PCDHGB2: variants seen among roughly 807,000 people sequenced by gnomAD.
The protein encoded by PCDHGB2 is protocadherin gamma subfamily B, 2, also known as protocadherin gamma-B2.
A neutral mutation model predicts 59.3 loss-of-function variants in PCDHGB2; 55 were observed. The observed-to-expected ratio is 0.93, with a 90% CI of 0.75 to 1.16. The LOEUF (loss-of-function observed/expected upper bound fraction) is 1.16. Among genes scored for constraint, PCDHGB2 ranks in the 50% most tolerant of loss-of-function variants. PCDHGB2 has a pLI of 0.00. For synonymous variants in PCDHGB2, 516 were observed against 512.0 expected, an observed-to-expected ratio of 1.01 and a Z score of -0.11; for missense variants, 1,228 against 1,198.5, an observed-to-expected ratio of 1.02 and a Z score of -0.36.
chr5:141,492,558 G>A (rs879634396), intron 1 of PCDHGB2, among the ~76,000 whole-genome samples: 1 of 152,236 alleles, frequency 6.6e-6, no homozygotes, highest in South Asian at 2.1e-4. Context: ...CGCCTGGGGG[G>A]CGGCCTGAGC....
At position 141,362,071 on chromosome 5, in the gene PCDHGB2, G is replaced by A. The variant is rs1322302295; in HGVS notation, c.1936G>A (p.Val646Met). 1 of 1,612,812 alleles carries A rather than the reference G, an allele frequency of 6.2e-7. No individual in the cohort carries two copies. Among genetic ancestry groups the A allele is most frequent in the African/African-American group, 1.3e-5 (1 of 75,026 alleles). ...GGCCCGCCAGCGCCTGCTGGTCGCT[G>A]TGCGTGATGGAGGACAGCCGCCACT... ...DAARQRLLVA[V>M]RDGGQPPLSA... Residue 646 changes from valine (V) to methionine (M), a missense_variant, in exon 1 of 4, where the codon GTG becomes ATG. Val to Met is a conservative substitution (Grantham distance 21, BLOSUM62 1). Transcript: ENST00000522605.
At chr5:141,484,750 GTA>G (rs545232987) in intron 1 of PCDHGB2, among the ~76,000 whole-genome samples, 18 of 149,824 alleles carry the variant, frequency 1.2e-4, no homozygotes, top group Admixed American at 4.7e-4. Flanking sequence ...GAAAAAAAAT[GTA>G]TATATATATA....
Position 141,491,401 on chromosome 5 carries a change from G to T in PCDHGB2, c.2422-3406G>T, listed in dbSNP as rs1442005704. ...GTCAGCGAAGTGCCTTCAGGGAAAC[G>T]CAGACGGGGACGGGGGTGGAGGGCA... On this transcript the variant is annotated intron_variant, in intron 1 of 3. Coordinates refer to ENST00000522605, the MANE Select transcript of PCDHGB2 (RefSeq NM_018923.3). The surrounding 1 kb of genome is among the most constrained non-coding windows in gnomAD (Gnocchi z 6.9). 1.2e-6 allele frequency: 2 copies of T among 1,614,102 alleles called. No homozygotes were observed. Among genetic ancestry groups the T allele is most frequent in the Non-Finnish European group, 1.7e-6 (2 of 1,179,990 alleles).
intron 1 of PCDHGB2, chr5:141,410,478 C>T (rs767257836): frequency 1.9e-6 from 3 of 1,613,992 alleles, no homozygotes; most frequent in Non-Finnish European, 2.5e-6. Flanking sequence ...ATTGCACATA[C>T]GGGTACAAAA....
intron 1 of PCDHGB2, chr5:141,395,295 T>G: frequency 1.3e-6 from 2 of 1,525,988 alleles, no homozygotes; most frequent in Middle Eastern, 1.8e-4. Flanking sequence ...TGGCATAAAT[T>G]ATGTTTTGAA....
intron 1 of PCDHGB2, among the ~76,000 whole-genome samples, chr5:141,457,384 G>A (rs2154565902): frequency 6.6e-6 from 1 of 152,270 alleles, no homozygotes; most frequent in African/African-American, 2.4e-5. Context: ...CCCAGAACTA[G>A]CATATTGATT....
chr5:141,386,911 G>A (rs1312159511), intron 1 of PCDHGB2, among the ~76,000 whole-genome samples: 2 of 152,190 alleles, frequency 1.3e-5, no homozygotes, highest in South Asian at 2.1e-4. Flanking sequence ...AGGTCACCAA[G>A]GAATGTAAAA....
intron 1 of PCDHGB2, among the ~76,000 whole-genome samples, chr5:141,472,908 C>T (rs1369506606): frequency 1.3e-5 from 2 of 149,744 alleles, no homozygotes; most frequent in African/African-American, 2.5e-5. Context: ...ATTGCTTGAA[C>T]CCAAGAGGAG....
intron 1 of PCDHGB2, among the ~76,000 whole-genome samples, chr5:141,450,112 T>G (rs2098669735): frequency 6.6e-6 from 1 of 150,618 alleles, no homozygotes; most frequent in Non-Finnish European, 1.5e-5. Context: ...GTTCAAATGA[T>G]TCTCCTGCCT....
chr5:141,475,553 T>A (rs1159585016), intron 1 of PCDHGB2, among the ~76,000 whole-genome samples: 2 of 152,260 alleles, frequency 1.3e-5, no homozygotes, highest in Non-Finnish European at 2.9e-5. Flanking sequence ...GTCCGGCTAA[T>A]TGTCTGTCTT....
chr5:141,423,364 C>G (rs1299667864), intron 1 of PCDHGB2: 2 of 1,614,102 alleles, frequency 1.2e-6, no homozygotes, highest in East Asian at 4.5e-5. Flanking sequence ...CATCGTGCTG[C>G]TGGCACTCAG....
chr5:141,416,178 C>G (rs1392436592), intron 1 of PCDHGB2: 3 of 152,408 alleles, frequency 2.0e-5, no homozygotes, highest in African/African-American at 2.4e-5. Context: ...CTAAGTTTTT[C>G]ATTAATATTG....
In PCDHGB2 at chr5:141,409,393, T is replaced by C. The variant is rs539937433; in HGVS notation, c.2421+46837T>C. 4.8e-5 allele frequency: 77 copies of C among 1,614,062 alleles called. 1 individual carries two copies. In the East Asian group the frequency reaches 1.7e-3, roughly 35 times the overall value. On this transcript the variant is annotated intron_variant, in intron 1 of 3. Coordinates refer to ENST00000522605, the MANE Select transcript of PCDHGB2 (RefSeq NM_018923.3). ...ACATTCCATTCAAGATTTATTCTTC[T>C]TCCAATAACTACTACAAACTGGTGA...
At chr5:141,448,000 C>T (rs1363676731) in intron 1 of PCDHGB2, among the ~76,000 whole-genome samples, 3 of 151,840 alleles carry the variant, frequency 2.0e-5, no homozygotes, top group Non-Finnish European at 4.4e-5. Flanking sequence ...GCATGAGAAT[C>T]GCTTGAACCC....
intron 1 of PCDHGB2, chr5:141,420,414 T>C: frequency 8.2e-7 from 1 of 1,221,674 alleles, no homozygotes; most frequent in Non-Finnish European, 1.1e-6. Flanking sequence ...GTTATCATTA[T>C]TAAAACAAAA....
At chr5:141,399,255 G>A (rs767281843) in intron 1 of PCDHGB2, 6 of 1,613,892 alleles carry the variant, frequency 3.7e-6, no homozygotes, top group Non-Finnish European at 5.1e-6. Context: ...GGGAAAATGG[G>A]GAGGTTAATT....
At chr5:141,410,830 G>T in intron 1 of PCDHGB2, 11 of 332,874 alleles carry the variant, frequency 3.3e-5, no homozygotes, top group East Asian at 5.9e-5. Context: ...TCACCAGACT[G>T]AAGATATTTT....
At position 141,361,728 on chromosome 5, in the gene PCDHGB2, A is replaced by G. The variant is rs1318637710; in HGVS notation, c.1593A>G (p.Thr531=). 5.0e-6 allele frequency: 8 copies of G among 1,613,246 alleles called. No individual in the cohort carries two copies. Among genetic ancestry groups the G allele is most frequent in the Non-Finnish European group, 5.9e-6 (7 of 1,179,790 alleles). Residue 531 remains threonine (T), a synonymous_variant, in exon 1 of 4, where the codon ACA becomes ACG. Coordinates refer to ENST00000522605, the MANE Select transcript of PCDHGB2 (RefSeq NM_018923.3). ...DHEQLRAFEL[T]LQARDQGSPA... ...AGCAGCTGCGCGCCTTCGAGCTCAC[A>G]CTGCAGGCCCGCGACCAGGGCTCGC...
intron 1 of PCDHGB2, chr5:141,376,210 C>G (rs112869528): frequency 6.2e-7 from 1 of 1,614,162 alleles, no homozygotes; most frequent in Non-Finnish European, 8.5e-7. Context: ...CCTTCGTCAT[C>G]GTGCTGCTGG....
Sources: gnomAD v4.1 joint callset for allele counts (sites outside exome capture counted in the v4.1 genomes callset) on GRCh38, gnomAD v4.1.1 for gene constraint, Gnocchi (gnomAD v3.1) non-coding constraint, MANE v1.5 for transcripts, NCBI Gene and HGNC (gene_info 2026-07-23, HGNC 2026-07-21) for gene names.